PAPSS1: variants seen among roughly 807,000 people sequenced by gnomAD.
PAPSS1 encodes the protein bifunctional 3'-phosphoadenosine 5'-phosphosulfate synthase 1.
In PAPSS1, 50 loss-of-function variants were observed where a neutral mutation model predicts 72.0. The observed-to-expected ratio is 0.69, with a 90% CI of 0.55 to 0.88. PAPSS1 has a LOEUF of 0.88. PAPSS1 is among the 40% of genes least tolerant of loss of function. The pLI is 0.00. For missense variants in PAPSS1, 657 were observed against 782.2 expected (o/e 0.84, Z 1.91); for synonymous variants, 261 against 263.6 (o/e 0.99, Z 0.09).
At chr4:107,705,896 T>A (rs1223097197) in intron 1 of PAPSS1, among the ~76,000 whole-genome samples, 1 of 152,194 alleles carries the variant, frequency 6.6e-6, no homozygotes, top group East Asian at 1.9e-4. Context: ...CAAGTCTGTA[T>A]GTTTGTGTTT....
chr4:107,673,277 A>T (rs1727545292), intron 5 of PAPSS1, among the ~76,000 whole-genome samples: 1 of 152,180 alleles, frequency 6.6e-6, no homozygotes, highest in South Asian at 2.1e-4. Context: ...TAAAGGAGGA[A>T]GTTCAAACCC....
intron 10 of PAPSS1, among the ~76,000 whole-genome samples, chr4:107,634,167 G>A (rs893536462): frequency 1.1e-4 from 17 of 151,572 alleles, no homozygotes; most frequent in African/African-American, 3.6e-4. Context: ...ACAGAGATGC[G>A]CCACCATGCC....
chr4:107,686,740 G>A (rs1722796708), intron 4 of PAPSS1, among the ~76,000 whole-genome samples: 1 of 152,212 alleles, frequency 6.6e-6, no homozygotes, highest in African/African-American at 2.4e-5. Flanking sequence ...GGTGGCAGCA[G>A]GCAACTGATG....
intron 4 of PAPSS1, among the ~76,000 whole-genome samples, chr4:107,684,963 T>C (rs1025204670): frequency 2.6e-5 from 4 of 152,100 alleles, no homozygotes; most frequent in African/African-American, 9.7e-5. Flanking sequence ...TAGAGTGCAG[T>C]GGCACAATTT....
chr4:107,621,235 T>C (rs1235515699), intron 11 of PAPSS1, among the ~76,000 whole-genome samples: 1 of 152,116 alleles, frequency 6.6e-6, no homozygotes, highest in Non-Finnish European at 1.5e-5. Flanking sequence ...TGGCATAGTA[T>C]GGTACCAGAT....
At chr4:107,711,532 A>C (rs1723496449) in intron 1 of PAPSS1, among the ~76,000 whole-genome samples, 1 of 152,244 alleles carries the variant, frequency 6.6e-6, no homozygotes, top group Non-Finnish European at 1.5e-5. Flanking sequence ...TAAAGACACA[A>C]AGCATATACC....
chr4:107,705,358 T>C (rs890656304), intron 1 of PAPSS1, among the ~76,000 whole-genome samples: 7 of 152,246 alleles, frequency 4.6e-5, no homozygotes, highest in Admixed American at 1.3e-4. Context: ...GCTCTCGTGA[T>C]AGTGAGTTCT....
intron 1 of PAPSS1, among the ~76,000 whole-genome samples, chr4:107,703,097 A>C (rs1484080742): frequency 6.6e-6 from 1 of 152,144 alleles, no homozygotes; most frequent in Non-Finnish European, 1.5e-5. Context: ...TGAGTAGAGA[A>C]GTTGAGCCGA....
chr4:107,651,749 C>G (rs1404509515), intron 9 of PAPSS1, among the ~76,000 whole-genome samples: 1 of 152,170 alleles, frequency 6.6e-6, no homozygotes, highest in Admixed American at 6.5e-5. Flanking sequence ...ATTATAGGAA[C>G]TACAATTCAA....
intron 1 of PAPSS1, among the ~76,000 whole-genome samples, chr4:107,715,496 A>G (rs961728324): frequency 6.6e-6 from 1 of 152,174 alleles, no homozygotes; most frequent in African/African-American, 2.4e-5. Flanking sequence ...CTCTGTTCTT[A>G]TTTCATTTTT....
intron 1 of PAPSS1, among the ~76,000 whole-genome samples, chr4:107,708,842 G>A (rs546499829): frequency 6.6e-6 from 1 of 152,152 alleles, no homozygotes; most frequent in Non-Finnish European, 1.5e-5. Context: ...CAGCCTAAAG[G>A]TTTCTCCATA....
rs555872551 is a variant in PAPSS1 at position 107,616,118 on chromosome 4, A to G, written c.1737-1731T>C. ...AGAGAGAGTGTGTGTGCACATAAAG[A>G]AATATGCCCTATGTAGTCATTGTTG... On this transcript the variant is annotated intron_variant, in intron 11 of 11. Coordinates refer to ENST00000265174, the MANE Select transcript of PAPSS1 (RefSeq NM_005443.5). 4.6e-5 allele frequency among the ~76,000 whole-genome samples: 7 copies of G among 152,264 alleles called. No individual in the cohort carries two copies. In the East Asian group the frequency reaches 1.4e-3, roughly 29 times the overall value.
In PAPSS1 at chr4:107,692,751, A is replaced by G. The variant is rs187976284; in HGVS notation, c.411+1020T>C. ...GAATCAACCTAAATGCCCATCAACG[A>G]TAGACTGGATAAAGAAAACACGGTG... On this transcript the variant is annotated intron_variant, in intron 3 of 11. Transcript: ENST00000265174. 1.6e-3 allele frequency among the ~76,000 whole-genome samples: 246 copies of G among 152,068 alleles called. 1 individual carries two copies. Among genetic ancestry groups the G allele is most frequent in the African/African-American group, 5.7e-3 (236 of 41,390 alleles).
chr4:107,673,520 T>C (rs1050654622), intron 5 of PAPSS1, among the ~76,000 whole-genome samples: 1 of 151,874 alleles, frequency 6.6e-6, no homozygotes. Flanking sequence ...AAAAAAAGAA[T>C]AAAAAGAAAT....
intron 9 of PAPSS1, among the ~76,000 whole-genome samples, chr4:107,650,860 A>C (rs1241931535): frequency 6.6e-6 from 1 of 152,182 alleles, no homozygotes; most frequent in Non-Finnish European, 1.5e-5. Context: ...AAAAAAAAAC[A>C]GAATTTGTCT....
At chr4:107,675,450 T>G (rs1182289285) in intron 5 of PAPSS1, among the ~76,000 whole-genome samples, 2 of 152,132 alleles carry the variant, frequency 1.3e-5, no homozygotes, top group Non-Finnish European at 2.9e-5. Flanking sequence ...ATGGATAAAT[T>G]CTTTGACACA....
intron 5 of PAPSS1, among the ~76,000 whole-genome samples, chr4:107,672,213 G>C (rs1191977784): frequency 6.6e-6 from 1 of 152,192 alleles, no homozygotes; most frequent in African/African-American, 2.4e-5. Context: ...GTGTCAGAAA[G>C]TGGGTGCAGG....
intron 9 of PAPSS1, among the ~76,000 whole-genome samples, chr4:107,651,394 A>G (rs1726834530): frequency 6.6e-6 from 1 of 152,212 alleles, no homozygotes. Flanking sequence ...TCACATGAAT[A>G]AAGTCTAGCT....
intron 1 of PAPSS1, among the ~76,000 whole-genome samples, chr4:107,709,971 G>A (rs923907601): frequency 2.0e-5 from 3 of 152,200 alleles, no homozygotes; most frequent in Non-Finnish European, 4.4e-5. Context: ...AACGCATTGG[G>A]TGGTTACAGA....
Sources: gnomAD v4.1 joint callset for allele counts (sites outside exome capture counted in the v4.1 genomes callset) on GRCh38, gnomAD v4.1.1 for gene constraint, MANE v1.5 for transcripts, NCBI Gene and HGNC (gene_info 2026-07-23, HGNC 2026-07-21) for gene names.